UTS2B: variants seen among roughly 807,000 people sequenced by gnomAD.
The protein encoded by UTS2B is urotensin-2B.
In UTS2B, 21 loss-of-function variants were observed where a neutral mutation model predicts 19.2. The ratio of observed to expected loss-of-function variants is 1.09; its 90% CI spans 0.78 to 1.58. UTS2B has a LOEUF of 1.58. UTS2B is among the 40% of genes most tolerant of loss of function. The probability of loss-of-function intolerance (pLI) is 0.00; values close to 1 mark genes in which losing one functional copy is unlikely to be tolerated. For synonymous variants in UTS2B, 57 were observed against 50.2 expected (o/e 1.14, Z -0.58); for missense variants, 138 against 130.3 (o/e 1.06, Z -0.29).
intron 8 of UTS2B, among the ~76,000 whole-genome samples, chr3:191,274,101 A>G (rs1047121166): frequency 1.6e-5 from 2 of 128,262 alleles, no homozygotes; most frequent in South Asian, 3.1e-4. Context: ...CGTCTCAAAG[A>G]AAAAAAAAAA....
chr3:191,321,317 G>A (rs1388458529), intron 2 of UTS2B, among the ~76,000 whole-genome samples: 1 of 152,102 alleles, frequency 6.6e-6, no homozygotes, highest in African/African-American at 2.4e-5. Flanking sequence ...ATACTCTAAA[G>A]GAAGTTTTAG....
chr3:191,324,910 C>T lies in UTS2B; in HGVS notation c.-586+3721G>A, dbSNP rs574754915. ...CTAAATATGCAAAAAATTTGCTGGGCGTGGTGGTACACTCTTGTAATCCCA... is the reference window on the plus strand; with the variant it reads ...CTAAATATGCAAAAAATTTGCTGGGTGTGGTGGTACACTCTTGTAATCCCA... On this transcript the variant is annotated intron_variant, in intron 2 of 8. Transcript: ENST00000340524. Among the ~76,000 whole-genome samples, 164 of 152,032 alleles carry T rather than the reference C, an allele frequency of 1.1e-3. 1 individual carries two copies. Among genetic ancestry groups the T allele is most frequent in the Admixed American group, 7.1e-3 (108 of 15,254 alleles).
the UTS2B span, among the ~76,000 whole-genome samples, chr3:191,342,019 A>G: frequency 6.6e-6 from 1 of 152,230 alleles, no homozygotes; most frequent in Non-Finnish European, 1.5e-5. Flanking sequence ...ATTTGATTCT[A>G]GGAATGTACC....
At chr3:191,309,830 C>T (rs1325945754) in intron 3 of UTS2B, among the ~76,000 whole-genome samples, 1 of 152,196 alleles carries the variant, frequency 6.6e-6, no homozygotes, top group Non-Finnish European at 1.5e-5. Flanking sequence ...TATAAGTTCC[C>T]TGAGGCCTCT....
chr3:191,343,135 G>A, the UTS2B span, among the ~76,000 whole-genome samples: 1 of 152,168 alleles, frequency 6.6e-6, no homozygotes, highest in Non-Finnish European at 1.5e-5. Context: ...AGGGCCAACT[G>A]CAAGAAGTGA....
chr3:191,333,877 AT>A (rs1370091955), upstream of UTS2B, among the ~76,000 whole-genome samples: 1 of 152,048 alleles, frequency 6.6e-6, no homozygotes, highest in Non-Finnish European at 1.5e-5. Flanking sequence ...TTTTTTTCTA[AT>A]TTTTTATAGG....
upstream of UTS2B, among the ~76,000 whole-genome samples, chr3:191,334,532 C>G (rs1718082153): frequency 6.6e-6 from 1 of 152,090 alleles, no homozygotes; most frequent in South Asian, 2.1e-4. Context: ...ATGAAAATCC[C>G]AGGGTCAGGG....
intron 3 of UTS2B, among the ~76,000 whole-genome samples, chr3:191,304,849 A>G (rs773084017): frequency 6.4e-4 from 97 of 152,130 alleles, no homozygotes; most frequent in Admixed American, 1.3e-3. Flanking sequence ...AACAGGCCCC[A>G]GTGTGTGTTG....
chr3:191,306,586 C>T (rs749205742), intron 3 of UTS2B, among the ~76,000 whole-genome samples: 6 of 152,174 alleles, frequency 3.9e-5, no homozygotes, highest in African/African-American at 1.2e-4. Context: ...TGCTCTAACA[C>T]TAAGTAGTTT....
At chr3:191,325,271 A>G (rs1717716252) in intron 2 of UTS2B, among the ~76,000 whole-genome samples, 1 of 152,278 alleles carries the variant, frequency 6.6e-6, no homozygotes. Context: ...TGAGGATATG[A>G]GCTTTAAAGA....
At chr3:191,337,130 T>C in the UTS2B span, among the ~76,000 whole-genome samples, 3 of 152,050 alleles carry the variant, frequency 2.0e-5, no homozygotes, top group African/African-American at 7.2e-5. Flanking sequence ...ACCACGTGAT[T>C]GGCAAAGCTT....
chr3:191,306,097 G>A (rs1401451860), intron 3 of UTS2B, among the ~76,000 whole-genome samples: 1 of 152,196 alleles, frequency 6.6e-6, no homozygotes, highest in East Asian at 1.9e-4. Context: ...AAGTCGCTGA[G>A]TGTGATGCCT....
chr3:191,340,160 C>A, the UTS2B span, among the ~76,000 whole-genome samples: 4 of 152,310 alleles, frequency 2.6e-5, no homozygotes, highest in East Asian at 7.7e-4. Context: ...TGTCTCCTCA[C>A]AGGTCAGGAC....
intron 2 of UTS2B, among the ~76,000 whole-genome samples, chr3:191,317,062 G>T (rs565945877): frequency 4.6e-5 from 7 of 152,246 alleles, no homozygotes; most frequent in Non-Finnish European, 1.0e-4. Flanking sequence ...TTGGAGCAGG[G>T]GGTGGTGCCC....
At chr3:191,327,850 A>G (rs1717788971) in intron 2 of UTS2B, among the ~76,000 whole-genome samples, 1 of 152,126 alleles carries the variant, frequency 6.6e-6, no homozygotes, top group African/African-American at 2.4e-5. Flanking sequence ...AGATTACAGG[A>G]CAATTAAAAA....
chr3:191,282,007 G>A, intron 5 of UTS2B, 80 bp downstream of exon 5: 1 of 1,000,420 alleles, frequency 1.0e-6, no homozygotes, highest in Non-Finnish European at 1.5e-6. Context: ...TTCAACAATG[G>A]CAGAAAAATC....
intron 4 of UTS2B, among the ~76,000 whole-genome samples, chr3:191,302,453 ATTTTC>A (rs1717029664): frequency 6.6e-6 from 1 of 152,044 alleles, no homozygotes; most frequent in African/African-American, 2.4e-5. Context: ...GTATTCCTTT[ATTTTC>A]TTAACAAATT....
chr3:191,330,705 T>C (rs1717950919), upstream of UTS2B, among the ~76,000 whole-genome samples: 1 of 152,226 alleles, frequency 6.6e-6, no homozygotes, highest in East Asian at 1.9e-4. Context: ...AAATAGTTTT[T>C]GCTTTCTTGG....
chr3:191,317,789 A>T (rs912061918), intron 2 of UTS2B, among the ~76,000 whole-genome samples: 1 of 152,190 alleles, frequency 6.6e-6, no homozygotes, highest in Non-Finnish European at 1.5e-5. Context: ...CATGTTGGCC[A>T]GACTGGTCTC....
Sources: allele counts gnomAD v4.1 joint callset (sites outside exome capture counted in the v4.1 genomes callset), GRCh38; gene constraint gnomAD v4.1.1; transcripts MANE v1.5; gene names NCBI Gene and HGNC (gene_info 2026-07-23, HGNC 2026-07-21).